UBR3: variants seen among roughly 807,000 people sequenced by gnomAD.
UBR3 encodes the protein ubiquitin protein ligase E3 component n-recognin 3.
UBR3 carries 85 observed loss-of-function variants against 243.2 expected under a neutral mutation model. The observed-to-expected ratio is 0.35, with a 90% CI of 0.29 to 0.42. UBR3 has a LOEUF of 0.42. Ranked by LOEUF, UBR3 falls within the 10% of genes least tolerant of loss-of-function variation. The pLI, the probability that UBR3 is intolerant of heterozygous loss-of-function variation, is 1.00. For synonymous variants in UBR3, 748 were observed against 799.8 expected (o/e 0.94, Z 1.09); for missense variants, 1,686 against 2,300.8 (o/e 0.73, Z 5.47).
intron 36 of UBR3, 131 bp downstream of exon 36, chr2:170,073,738 T>A (rs1380600520): frequency 1.2e-5 from 10 of 802,372 alleles, no homozygotes; most frequent in Admixed American, 3.3e-5. Context: ...ATTGAAAAAA[T>A]TGTTTACTTA....
chr2:169,847,918 CTG>C (rs56968536), intron 1 of UBR3, among the ~76,000 whole-genome samples: 63,357 of 151,916 alleles, frequency 0.42, 14,994 homozygotes, highest in Non-Finnish European at 0.54. Context: ...CAGGAGCACT[CTG>C]TGTAGATTTC....
At chr2:170,057,242 G>A (rs985898758) in intron 33 of UBR3, among the ~76,000 whole-genome samples, 2 of 151,446 alleles carry the variant, frequency 1.3e-5, no homozygotes, top group East Asian at 1.9e-4. Context: ...CAGCCCTGAC[G>A]AGTAGTTGGG....
intron 10 of UBR3, among the ~76,000 whole-genome samples, chr2:169,908,266 A>T (rs73011798): frequency 0.043 from 6,575 of 152,266 alleles, 163 homozygotes; most frequent in Middle Eastern, 0.068. Context: ...GATTCATTTG[A>T]TATGCAGTGG....
At chr2:170,076,461 ACAT>A (rs1207143106) in intron 36 of UBR3, among the ~76,000 whole-genome samples, 1 of 152,166 alleles carries the variant, frequency 6.6e-6, no homozygotes, top group Non-Finnish European at 1.5e-5. Flanking sequence ...TATAGTCCTT[ACAT>A]CATCAGGCCT....
chr2:170,005,415 A>G (rs2089878893), intron 27 of UBR3, among the ~76,000 whole-genome samples: 1 of 152,190 alleles, frequency 6.6e-6, no homozygotes, highest in African/African-American at 2.4e-5. Flanking sequence ...GACGGCATAC[A>G]TTGGATTAAT....
In UBR3 at chr2:169,926,894, A is replaced by C; in HGVS notation, c.2261A>C (p.Asp754Ala). 3.9e-6 allele frequency: 6 copies of C among 1,551,238 alleles called. No individual in the cohort carries two copies. The highest frequency in any genetic ancestry group is 5.2e-6 in the Non-Finnish European group (6 of 1,146,628). Residue 754 changes from aspartate to alanine, a missense_variant, in exon 16 of 39, where the codon GAT (aspartate) becomes GCT (alanine). Asp to Ala is a moderately radical substitution (Grantham distance 126). This residue lies in a region of UBR3 where 346 missense variants were observed against 585.8 expected (regional missense o/e 0.59). Coordinates refer to ENST00000272793, the MANE Select transcript of UBR3 (RefSeq NM_172070.4). Reference sequence around the variant, plus strand: ...TCACAACATCAAAATACAGTACTTGATGCAGAGCATGAGAGGTCGATGTTA... The same window carrying C: ...TCACAACATCAAAATACAGTACTTGCTGCAGAGCATGAGAGGTCGATGTTA... ...MASQHQNTVLDAEHERSMLEG... is the reference protein window; with the variant it reads ...MASQHQNTVLAAEHERSMLEG...
intron 5 of UBR3, among the ~76,000 whole-genome samples, chr2:169,889,796 C>G (rs1052082862): frequency 1.3e-5 from 2 of 152,162 alleles, no homozygotes; most frequent in Non-Finnish European, 2.9e-5. Context: ...CAAGTTAAGG[C>G]TATTATTTAG....
Position 170,077,906 on chromosome 2 carries a change from A to G in UBR3, c.5200-1908A>G, listed in dbSNP as rs114897033. On this transcript the variant is annotated intron_variant, in intron 36 of 38. Coordinates refer to ENST00000272793, the MANE Select transcript of UBR3 (RefSeq NM_172070.4). ...TGGCTCTGTTCAAATAACTCTTAAC[A>G]CTTCTGTATCTCCCTGGGCAAGTTA... 7.4e-4 allele frequency: 359 copies of G among 487,784 alleles called. 1 individual carries two copies. The highest frequency in any genetic ancestry group is 7.0e-3 in the African/African-American group (341 of 48,804). The allele number at this position is 487,784 out of a possible 1,614,324, so 30.2% of individuals were successfully genotyped here.
intron 24 of UBR3, among the ~76,000 whole-genome samples, chr2:169,963,066 C>G (rs2087652773): frequency 6.6e-6 from 1 of 152,136 alleles, no homozygotes; most frequent in Admixed American, 6.5e-5. Context: ...TTTCTCTAAG[C>G]TGCTTGTTCA....
intron 31 of UBR3, among the ~76,000 whole-genome samples, chr2:170,036,449 A>G (rs2090834766): frequency 6.6e-6 from 1 of 151,858 alleles, no homozygotes; most frequent in Non-Finnish European, 1.5e-5. Flanking sequence ...TAGAATGGCT[A>G]TTTTTATCTT....
chr2:169,922,758 G>A (rs147499415), intron 11 of UBR3, among the ~76,000 whole-genome samples: 2 of 151,926 alleles, frequency 1.3e-5, no homozygotes, highest in African/African-American at 4.8e-5. Context: ...GTTTATTCAT[G>A]TTACAGAACA....
chr2:170,040,944 T>C lies in UBR3; in HGVS notation c.4619T>C (p.Leu1540Ser). Reference protein sequence around the residue: ...PILYHDVTSLLLIQILMMPQP... With the variant: ...PILYHDVTSLSLIQILMMPQP... ...CTTTATCATGATGTAACATCCCTTT[T>C]GCTCATCCAGATCTTAATGATGCCA... The change falls in exon 32 of 39, where the codon TTG (leucine) becomes TCG (serine). Residue 1540 changes from leucine to serine, a missense_variant. Leu to Ser is a moderately radical substitution (Grantham distance 145, BLOSUM62 -2). Coordinates refer to ENST00000272793, the MANE Select transcript of UBR3 (RefSeq NM_172070.4). 1.9e-6 allele frequency: 3 copies of C among 1,613,550 alleles called. No individual in the cohort carries two copies. The highest frequency in any genetic ancestry group is 1.7e-6 in the Non-Finnish European group (2 of 1,179,714).
At chr2:170,004,471 A>G (rs2089834019) in intron 27 of UBR3, among the ~76,000 whole-genome samples, 1 of 152,080 alleles carries the variant, frequency 6.6e-6, no homozygotes, top group Non-Finnish European at 1.5e-5. Context: ...TTAATTATAT[A>G]TTTGTGATGG....
intron 31 of UBR3, among the ~76,000 whole-genome samples, chr2:170,039,982 C>T (rs796870953): frequency 9.9e-5 from 15 of 152,224 alleles, no homozygotes; most frequent in African/African-American, 3.4e-4. Context: ...GATCCTCCCA[C>T]CTCAGCCTCC....
At chr2:170,025,534 A>G (rs562902055) in intron 30 of UBR3, among the ~76,000 whole-genome samples, 1 of 152,306 alleles carries the variant, frequency 6.6e-6, no homozygotes, top group Non-Finnish European at 1.5e-5. Flanking sequence ...TGAAAAAGAA[A>G]ATGGACTAGC....
chr2:170,037,936 C>G (rs767031680), intron 31 of UBR3, among the ~76,000 whole-genome samples: 1 of 152,038 alleles, frequency 6.6e-6, no homozygotes. Context: ...AGGTCACATA[C>G]AATAATAAGC....
chr2:170,026,036 G>A (rs73019545), intron 30 of UBR3, among the ~76,000 whole-genome samples: 6,568 of 152,062 alleles, frequency 0.043, 159 homozygotes, highest in Middle Eastern at 0.061. Context: ...GTGGGCTTGG[G>A]TAAAGTAGTG....
intron 1 of UBR3, among the ~76,000 whole-genome samples, chr2:169,848,538 C>T (rs2082559471): frequency 6.6e-6 from 1 of 151,618 alleles, no homozygotes; most frequent in Non-Finnish European, 1.5e-5. Flanking sequence ...TCACTTAGGG[C>T]AGTTACCTAA....
chr2:169,978,014 C>T (rs2088538701), intron 24 of UBR3, among the ~76,000 whole-genome samples: 1 of 151,994 alleles, frequency 6.6e-6, no homozygotes, highest in Admixed American at 6.6e-5. Context: ...GATGTGGTGA[C>T]TCTGTTTCTG....
Sources: gnomAD v4.1 joint callset for allele counts (sites outside exome capture counted in the v4.1 genomes callset) on GRCh38, gnomAD v4.1.1 for gene constraint, gnomAD v4.1.1 regional missense constraint, MANE v1.5 for transcripts, NCBI Gene and HGNC (gene_info 2026-07-23, HGNC 2026-07-21) for gene names.